Variants in PAK5 observed in about 807,000 individuals in gnomAD.
PAK5 encodes serine/threonine-protein kinase PAK 5.
Under a neutral mutation model 65.9 loss-of-function variants are expected in PAK5, and 16 were observed. The ratio of observed to expected loss-of-function variants is 0.24; its 90% confidence interval spans 0.16 to 0.37. The LOEUF (loss-of-function observed/expected upper bound fraction) is 0.37. PAK5 is among the 10% of genes least tolerant of loss of function. PAK5 has a pLI of 1.00. For synonymous variants in PAK5, 371 were observed against 354.9 expected (o/e 1.05, Z -0.51); for missense variants, 785 against 903.9 (o/e 0.87, Z 1.69).
chr20:9,835,656 C>T (rs1478745361), intron 1 of PAK5, among the ~76,000 whole-genome samples: 2 of 151,958 alleles, frequency 1.3e-5, no homozygotes, highest in Non-Finnish European at 2.9e-5. Flanking sequence ...TCATCTCTTG[C>T]AGTTTGATAG....
intron 1 of PAK5, among the ~76,000 whole-genome samples, chr20:9,790,552 C>A (rs943824119): frequency 1.3e-5 from 2 of 152,100 alleles, no homozygotes; most frequent in African/African-American, 4.8e-5. Context: ...GTTGACCAGG[C>A]TGTAGTACAG....
At chr20:9,592,445 G>A (rs2046189169) in intron 3 of PAK5, among the ~76,000 whole-genome samples, 1 of 152,170 alleles carries the variant, frequency 6.6e-6, no homozygotes, top group Admixed American at 6.5e-5. Flanking sequence ...TGGGGCCCAA[G>A]GGAACTTTCT....
chr20:9,614,290 G>C (rs892559419), intron 3 of PAK5, among the ~76,000 whole-genome samples: 7 of 152,120 alleles, frequency 4.6e-5, no homozygotes, highest in African/African-American at 1.7e-4. Context: ...GAAACATCCA[G>C]AACTGAAAAG....
chr20:9,573,714 G>C (rs1568972706), intron 4 of PAK5, among the ~76,000 whole-genome samples: 1 of 152,192 alleles, frequency 6.6e-6, no homozygotes, highest in Non-Finnish European at 1.5e-5. Context: ...CTTCTGTTCT[G>C]AGGGCAGGGG....
chr20:9,647,893 G>A (rs540801272), intron 2 of PAK5, among the ~76,000 whole-genome samples: 2 of 152,334 alleles, frequency 1.3e-5, no homozygotes, highest in South Asian at 4.1e-4. Flanking sequence ...CTGTTAGCAA[G>A]GAGGAGGCCC....
chr20:9,737,806 C>T (rs958689776), intron 1 of PAK5, among the ~76,000 whole-genome samples: 2 of 151,990 alleles, frequency 1.3e-5, no homozygotes, highest in Admixed American at 1.3e-4. Context: ...ATTAGAATTG[C>T]TATAATTTAA....
intron 1 of PAK5, among the ~76,000 whole-genome samples, chr20:9,761,489 C>A (rs1216692835): frequency 1.3e-5 from 2 of 151,986 alleles, no homozygotes; most frequent in Non-Finnish European, 2.9e-5. Flanking sequence ...AATTTTGCAT[C>A]AAAATTCTAT....
intron 2 of PAK5, among the ~76,000 whole-genome samples, chr20:9,689,266 A>G (rs567257800): frequency 6.6e-6 from 1 of 152,288 alleles, no homozygotes; most frequent in South Asian, 2.1e-4. Flanking sequence ...TGCTTCAGAA[A>G]GAGGAGGAAA....
chr20:9,677,301 C>A (rs917758070), intron 2 of PAK5, among the ~76,000 whole-genome samples: 3 of 152,286 alleles, frequency 2.0e-5, no homozygotes, highest in Non-Finnish European at 2.9e-5. Context: ...CCGGCTTCTG[C>A]ACTCCAGCCT....
At chr20:9,800,831 A>G (rs551025987) in intron 1 of PAK5, among the ~76,000 whole-genome samples, 1 of 152,042 alleles carries the variant, frequency 6.6e-6, no homozygotes, top group South Asian at 2.1e-4. Context: ...AATCTCCCCC[A>G]ACTAAGGAGT....
chr20:9,618,641 C>T lies in PAK5; in HGVS notation c.204+25484G>A, dbSNP rs188123338. ...TGTTGTCCAGGCTGGTCTTGAACTC[C>T]TGACCTCGTGATCCACCCACCTTGG... is the stretch of plus-strand genomic sequence containing the variant. On this transcript the variant is annotated intron_variant, in intron 3 of 9. Coordinates refer to ENST00000353224, the MANE Select transcript of PAK5 (RefSeq NM_177990.4). Among the ~76,000 whole-genome samples, 257 of 151,784 alleles carry T rather than the reference C, an allele frequency of 1.7e-3. 1 individual carries two copies. Among genetic ancestry groups the T allele is most frequent in the African/African-American group, 5.6e-3 (232 of 41,410 alleles).
chr20:9,631,015 A>G (rs745733442), intron 3 of PAK5, among the ~76,000 whole-genome samples: 55 of 152,082 alleles, frequency 3.6e-4, no homozygotes, highest in Non-Finnish European at 6.6e-4. Flanking sequence ...TTAATAGATT[A>G]CTCCCAAGCA....
intron 1 of PAK5, among the ~76,000 whole-genome samples, chr20:9,723,509 G>A (rs1569059691): frequency 6.6e-6 from 1 of 152,072 alleles, no homozygotes; most frequent in Admixed American, 6.5e-5. Flanking sequence ...CTGTATAAGT[G>A]CTTTTTACCA....
intron 3 of PAK5, among the ~76,000 whole-genome samples, chr20:9,601,812 A>T (rs1270447392): frequency 6.6e-6 from 1 of 152,180 alleles, no homozygotes; most frequent in East Asian, 1.9e-4. Flanking sequence ...GGTCCAAAAA[A>T]AATGCCAAGA....
rs200546914 is a variant in PAK5, at chr20:9,681,576, T to C, written c.-12+29710A>G. Among the ~76,000 whole-genome samples, 12 of 152,308 alleles carry C rather than the reference T, an allele frequency of 7.9e-5. No homozygotes were observed. In the East Asian group the frequency reaches 2.1e-3, roughly 27 times the overall value. On this transcript the variant is annotated intron_variant, in intron 2 of 9. Transcript: ENST00000353224. ...TTTCTTTGAATAATATCCCTGGAGA[T>C]GGCAACATAAATCTTTATCTCTTTA... is the stretch of plus-strand genomic sequence containing the variant.
intron 1 of PAK5, among the ~76,000 whole-genome samples, chr20:9,728,171 G>A (rs1046041022): frequency 1.3e-5 from 2 of 152,060 alleles, no homozygotes; most frequent in African/African-American, 4.8e-5. Flanking sequence ...AGCTGCTTTT[G>A]CCCTTCCATT....
chr20:9,741,441 C>T (rs529275088), intron 1 of PAK5, among the ~76,000 whole-genome samples: 131 of 152,180 alleles, frequency 8.6e-4, no homozygotes, highest in African/African-American at 3.0e-3. Flanking sequence ...TTAGCAATAA[C>T]GCTTTTGGAA....
At chr20:9,711,779 T>G (rs1447362057) in intron 1 of PAK5, among the ~76,000 whole-genome samples, 1 of 152,174 alleles carries the variant, frequency 6.6e-6, no homozygotes, top group Non-Finnish European at 1.5e-5. Flanking sequence ...CCTAGCCCAC[T>G]ACCTGGTAAT....
chr20:9,767,256 A>C (rs374731897), intron 1 of PAK5, among the ~76,000 whole-genome samples: 2 of 152,372 alleles, frequency 1.3e-5, no homozygotes, highest in South Asian at 4.1e-4. Flanking sequence ...AGATGAGATC[A>C]TAAAGGAGAA....
Sources: allele counts gnomAD v4.1 joint callset (sites outside exome capture counted in the v4.1 genomes callset), GRCh38; gene constraint gnomAD v4.1.1; transcripts MANE v1.5; gene names NCBI Gene and HGNC (gene_info 2026-07-23, HGNC 2026-07-21).